The following CNTN4 variants were observed in gnomAD, a reference collection of about 807,000 sequenced individuals.
The protein encoded by CNTN4 is contactin 4.
A neutral mutation model predicts 122.5 loss-of-function variants in CNTN4; 77 were observed. That is an observed-to-expected ratio of 0.63 (90% CI 0.52 to 0.76). CNTN4 has a LOEUF of 0.76. CNTN4 is among the 30% of genes least tolerant of loss of function. CNTN4 has a pLI of 0.00. For synonymous variants in CNTN4, 512 were observed against 447.0 expected (o/e 1.15, Z -1.83); for missense variants, 1,256 against 1,259.1 (o/e 1.00, Z 0.04).
intron 3 of CNTN4, among the ~76,000 whole-genome samples, chr3:2,467,803 G>A (rs1381515149): frequency 6.6e-6 from 1 of 152,188 alleles, no homozygotes; most frequent in Non-Finnish European, 1.5e-5. Flanking sequence ...TGGCCTTGCA[G>A]TGTCCTGGTC....
chr3:2,313,491 A>G (rs1318946257), intron 2 of CNTN4, among the ~76,000 whole-genome samples: 1 of 152,012 alleles, frequency 6.6e-6, no homozygotes, highest in Non-Finnish European at 1.5e-5. Flanking sequence ...TTATGGTAAA[A>G]AAATTGATTC....
At chr3:2,104,375 A>T (rs80070613) in intron 2 of CNTN4, among the ~76,000 whole-genome samples, 3,164 of 152,224 alleles carry the variant, frequency 0.021, 125 homozygotes, top group African/African-American at 0.072. Context: ...ACATGAGCAG[A>T]TAAGCTCTTA....
intron 17 of CNTN4, among the ~76,000 whole-genome samples, chr3:3,036,519 T>G (rs1005948940): frequency 1.3e-5 from 2 of 152,070 alleles, no homozygotes; most frequent in African/African-American, 4.8e-5. Context: ...TCCCAGCACT[T>G]TGATAGGCCA....
intron 4 of CNTN4, among the ~76,000 whole-genome samples, chr3:2,651,059 T>G (rs1320613972): frequency 6.6e-6 from 1 of 152,216 alleles, no homozygotes; most frequent in East Asian, 1.9e-4. Flanking sequence ...CATCTTTTAC[T>G]AGCAGACATT....
chr3:2,566,224 T>C (rs2079153245), intron 3 of CNTN4, among the ~76,000 whole-genome samples: 1 of 152,180 alleles, frequency 6.6e-6, no homozygotes, highest in Non-Finnish European at 1.5e-5. Context: ...GACACAATAC[T>C]TTTAGAAGAG....
chr3:2,491,015 G>C (rs190907351), intron 3 of CNTN4, among the ~76,000 whole-genome samples: 238 of 152,202 alleles, frequency 1.6e-3, no homozygotes, highest in African/African-American at 5.3e-3. Flanking sequence ...GAAAGAATAG[G>C]GGGGAAAAAT....
At chr3:2,529,289 A>AT (rs1029695089) in intron 3 of CNTN4, among the ~76,000 whole-genome samples, 1 of 152,046 alleles carries the variant, frequency 6.6e-6, no homozygotes, top group Non-Finnish European at 1.5e-5. Flanking sequence ...GGATATTACT[A>AT]TTTTTTATGG....
chr3:3,011,475 A>G (rs376483578), intron 14 of CNTN4, among the ~76,000 whole-genome samples: 9 of 151,896 alleles, frequency 5.9e-5, no homozygotes, highest in African/African-American at 1.9e-4. Flanking sequence ...TAATCCCTTG[A>G]CTTGATGTCA....
At chr3:2,954,784 T>C (rs1431024347) in intron 13 of CNTN4, among the ~76,000 whole-genome samples, 2 of 152,174 alleles carry the variant, frequency 1.3e-5, no homozygotes, top group Non-Finnish European at 2.9e-5. Flanking sequence ...AGTGTTTTCA[T>C]CCTGTCTGCC....
chr3:2,242,267 C>A (rs1277051120), intron 2 of CNTN4, among the ~76,000 whole-genome samples: 1 of 151,990 alleles, frequency 6.6e-6, no homozygotes, highest in Non-Finnish European at 1.5e-5. Context: ...ACCATAATGG[C>A]CACTACCATG....
At chr3:2,381,210 G>A (rs1159380703) in intron 3 of CNTN4, among the ~76,000 whole-genome samples, 1 of 152,064 alleles carries the variant, frequency 6.6e-6, no homozygotes, top group East Asian at 1.9e-4. Flanking sequence ...GTTTCACCAT[G>A]TTAGCCAGGA....
At chr3:2,439,679 A>T (rs2048366652) in intron 3 of CNTN4, among the ~76,000 whole-genome samples, 1 of 151,984 alleles carries the variant, frequency 6.6e-6, no homozygotes, top group East Asian at 1.9e-4. Context: ...TCTAAAATGG[A>T]GGAAGAAGAC....
intron 2 of CNTN4, among the ~76,000 whole-genome samples, chr3:2,156,344 G>A (rs1298606054): frequency 6.6e-6 from 1 of 152,130 alleles, no homozygotes; most frequent in Non-Finnish European, 1.5e-5. Flanking sequence ...GCGCTTCATA[G>A]GCCATGTGGG....
chr3:3,011,883 G>A (rs940237825), intron 14 of CNTN4, among the ~76,000 whole-genome samples: 3 of 151,228 alleles, frequency 2.0e-5, no homozygotes, highest in Admixed American at 6.6e-5. Flanking sequence ...CTTCCATGAT[G>A]ATGATGGTGA....
intron 4 of CNTN4, among the ~76,000 whole-genome samples, chr3:2,662,320 T>C (rs989383739): frequency 6.6e-6 from 1 of 152,192 alleles, no homozygotes; most frequent in Non-Finnish European, 1.5e-5. Flanking sequence ...TCATATAAGA[T>C]TCAATGGAGG....
intron 2 of CNTN4, among the ~76,000 whole-genome samples, chr3:2,130,323 C>A (rs934508119): frequency 2.0e-5 from 3 of 152,136 alleles, no homozygotes; most frequent in African/African-American, 7.2e-5. Flanking sequence ...TAAGCAGGAG[C>A]AGCAGTCCCA....
At chr3:2,799,653 G>A (rs569448246) in intron 6 of CNTN4, among the ~76,000 whole-genome samples, 9 of 152,136 alleles carry the variant, frequency 5.9e-5, no homozygotes, top group East Asian at 1.9e-4. Context: ...CAGTAGAGAC[G>A]GAATTTCGCC....
rs1394771512 is a variant in CNTN4, at chr3:2,988,476, A to G, written c.1486+4A>G. The stretch of plus-strand genomic sequence containing the variant: ...ACTGGAAACTTGGTAGTGAAAGGTA[A>G]TGGCTAACCCAAAGAATTCGAATAT... On this transcript the variant is annotated splice_donor_region_variant and intron_variant, in intron 14 of 24. Coordinates refer to ENST00000418658, the MANE Select transcript of CNTN4 (RefSeq NM_175607.3). 1 of 1,613,692 alleles carries G rather than the reference A, an allele frequency of 6.2e-7. No homozygotes were observed. Among genetic ancestry groups the G allele is most frequent in the African/African-American group, 1.3e-5 (1 of 75,046 alleles).
chr3:3,033,103 T>C (rs1482216904), intron 16 of CNTN4, among the ~76,000 whole-genome samples: 1 of 152,124 alleles, frequency 6.6e-6, no homozygotes, highest in Non-Finnish European at 1.5e-5. Context: ...TTTCTATTTG[T>C]GGTACTTAGA....
Sources: gnomAD v4.1 joint callset for allele counts (sites outside exome capture counted in the v4.1 genomes callset) on GRCh38, gnomAD v4.1.1 for gene constraint, MANE v1.5 for transcripts, NCBI Gene and HGNC (gene_info 2026-07-23, HGNC 2026-07-21) for gene names.